CDIN1: variants seen among roughly 807,000 people sequenced by gnomAD.
CDIN1 encodes the protein CDAN1 interacting nuclease 1, also known as CDAN1-interacting nuclease 1.
Under a neutral mutation model 45.3 loss-of-function variants are expected in CDIN1, and 33 were observed. That is an observed-to-expected ratio of 0.73 (90% confidence interval 0.55 to 0.97). CDIN1 has a LOEUF of 0.97. CDIN1 is among the 50% of genes least tolerant of loss of function. The pLI is 0.00. For synonymous variants in CDIN1, 118 were observed against 124.4 expected (o/e 0.95, Z 0.34); for missense variants, 303 against 339.4 (o/e 0.89, Z 0.84).
chr15:36,623,317 C>T (rs955615984), intron 1 of CDIN1, among the ~76,000 whole-genome samples: 1 of 152,080 alleles, frequency 6.6e-6, no homozygotes, highest in South Asian at 2.1e-4. Context: ...ACAATTTTGC[C>T]TTCTCTTTTA....
At chr15:36,648,449 TGAGACG>T (rs2040438419) in intron 3 of CDIN1, among the ~76,000 whole-genome samples, 1 of 147,070 alleles carries the variant, frequency 6.8e-6, no homozygotes, top group African/African-American at 2.5e-5. Flanking sequence ...TTTTTTTTTT[TGAGACG>T]GAGTCTCCCT....
At chr15:36,701,026 T>A (rs1041965824) in intron 8 of CDIN1, among the ~76,000 whole-genome samples, 3 of 152,018 alleles carry the variant, frequency 2.0e-5, no homozygotes, top group African/African-American at 7.2e-5. Flanking sequence ...ACTGTGGTCA[T>A]TCCACTGCAT....
chr15:36,590,544 T>C (rs1267355885), intron 1 of CDIN1, among the ~76,000 whole-genome samples: 7 of 152,192 alleles, frequency 4.6e-5, no homozygotes, highest in Admixed American at 2.6e-4. Context: ...CGAAGCCCAG[T>C]CTTTTTCTGA....
At chr15:36,636,188 G>T (rs890523867) in intron 1 of CDIN1, among the ~76,000 whole-genome samples, 4 of 152,124 alleles carry the variant, frequency 2.6e-5, no homozygotes, top group African/African-American at 9.7e-5. Flanking sequence ...GAGACAGATT[G>T]TCATTACAAA....
At chr15:36,585,646 G>A (rs2037261244) in intron 1 of CDIN1, among the ~76,000 whole-genome samples, 1 of 152,184 alleles carries the variant, frequency 6.6e-6, no homozygotes, top group African/African-American at 2.4e-5. Context: ...TTAAGGTGGT[G>A]TCTGCCTTGG....
At chr15:36,611,578 G>A (rs1329617784) in intron 1 of CDIN1, among the ~76,000 whole-genome samples, 1 of 152,132 alleles carries the variant, frequency 6.6e-6, no homozygotes, top group Non-Finnish European at 1.5e-5. Context: ...GAGATGAAAT[G>A]TCCATACCTC....
At chr15:36,637,437 G>A (rs2039946922) in intron 1 of CDIN1, among the ~76,000 whole-genome samples, 1 of 152,184 alleles carries the variant, frequency 6.6e-6, no homozygotes, top group East Asian at 1.9e-4. Flanking sequence ...GGTACCACAA[G>A]GAAAATGAAA....
chr15:36,808,176 TTGGC>T, intron 10 of CDIN1, 144 bp from the exon 11 acceptor site: 1 of 981,344 alleles, frequency 1.0e-6, no homozygotes, highest in Non-Finnish European at 1.5e-6. Context: ...TGGTATAAGT[TTGGC>T]TATTTTCAGT....
chr15:36,639,224 A>G (rs1566856112), intron 1 of CDIN1, among the ~76,000 whole-genome samples: 1 of 152,338 alleles, frequency 6.6e-6, no homozygotes, highest in African/African-American at 2.4e-5. Context: ...TGGGTTCCAC[A>G]TTGGCATATT....
chr15:36,673,765 A>T (rs2041540243), intron 5 of CDIN1, among the ~76,000 whole-genome samples: 1 of 152,096 alleles, frequency 6.6e-6, no homozygotes, highest in South Asian at 2.1e-4. Flanking sequence ...TGAAAACTAT[A>T]CTATACCAAA....
intron 5 of CDIN1, among the ~76,000 whole-genome samples, chr15:36,667,893 T>A (rs2041311776): frequency 6.6e-6 from 1 of 152,110 alleles, no homozygotes; most frequent in South Asian, 2.1e-4. Context: ...ATACAACACG[T>A]CAAGTAGATT....
chr15:36,749,349 A>G (rs1156658851), intron 10 of CDIN1, among the ~76,000 whole-genome samples: 2 of 152,204 alleles, frequency 1.3e-5, no homozygotes, highest in African/African-American at 2.4e-5. Context: ...ATGTGTTTGT[A>G]TTGCTCTGGT....
chr15:36,785,053 C>T (rs1261618583), intron 10 of CDIN1, among the ~76,000 whole-genome samples: 1 of 152,086 alleles, frequency 6.6e-6, no homozygotes, highest in African/African-American at 2.4e-5. Flanking sequence ...GGGTGCTGCC[C>T]TTGTAAAGGT....
At chr15:36,618,046 T>A in intron 1 of CDIN1, 1 of 776,004 alleles carries the variant, frequency 1.3e-6, no homozygotes, top group Non-Finnish European at 2.4e-6. Context: ...TCTCGGTCTA[T>A]AGTATTATTC....
At chr15:36,763,099 A>G (rs1189114864) in intron 10 of CDIN1, among the ~76,000 whole-genome samples, 4 of 152,236 alleles carry the variant, frequency 2.6e-5, no homozygotes, top group Non-Finnish European at 5.9e-5. Flanking sequence ...ACCAGTTTAC[A>G]GTCCCATCAA....
intron 10 of CDIN1, among the ~76,000 whole-genome samples, chr15:36,785,458 G>C (rs1300478726): frequency 6.6e-6 from 1 of 151,952 alleles, no homozygotes; most frequent in East Asian, 1.9e-4. Context: ...ACTAACCCGG[G>C]AGTCGAGTAG....
intron 5 of CDIN1, among the ~76,000 whole-genome samples, chr15:36,667,694 T>C (rs1166735776): frequency 1.3e-5 from 2 of 152,174 alleles, no homozygotes; most frequent in African/African-American, 2.4e-5. Flanking sequence ...GACGCTAATA[T>C]ATTTAAGAAT....
intron 7 of CDIN1, among the ~76,000 whole-genome samples, 158 bp from the exon 8 acceptor site, chr15:36,697,165 C>A (rs772909273): frequency 1.3e-5 from 2 of 151,986 alleles, no homozygotes; most frequent in East Asian, 1.9e-4. Flanking sequence ...TAGAAAAATT[C>A]TATCCAATTA....
At chr15:36,732,277 CA>C (rs1399131082) in intron 10 of CDIN1, among the ~76,000 whole-genome samples, 1 of 151,214 alleles carries the variant, frequency 6.6e-6, no homozygotes, top group African/African-American at 2.4e-5. Context: ...GACAAAGGCA[CA>C]AAAAAAATTT....
Sources: gnomAD v4.1 joint callset for allele counts (sites outside exome capture counted in the v4.1 genomes callset) on GRCh38, gnomAD v4.1.1 for gene constraint, MANE v1.5 for transcripts, NCBI Gene and HGNC (gene_info 2026-07-23, HGNC 2026-07-21) for gene names.